SETD5: variants seen among roughly 807,000 people sequenced by gnomAD.
SETD5 encodes SET domain containing 5, also known as histone-lysine N-methyltransferase SETD5.
Under a neutral mutation model 153.3 loss-of-function variants are expected in SETD5, and 44 were observed. That is an observed-to-expected ratio of 0.29 (90% CI 0.23 to 0.37). The LOEUF is 0.37. Ranked by LOEUF, SETD5 falls within the 10% of genes least tolerant of loss-of-function variation. The pLI is 1.00. For missense variants in SETD5, 1,544 were observed against 1,768.0 expected (o/e 0.87, Z 2.27); for synonymous variants, 716 against 645.2 (o/e 1.11, Z -1.66).
At chr3:9,456,290 A>G (rs955492237) in intron 17 of SETD5, among the ~76,000 whole-genome samples, 18 of 152,200 alleles carry the variant, frequency 1.2e-4, no homozygotes, top group African/African-American at 4.3e-4. Flanking sequence ...AGCCTGGCCA[A>G]CATGGTGAAA....
intron 1 of SETD5, among the ~76,000 whole-genome samples, chr3:9,420,762 T>C (rs2038253565): frequency 6.6e-6 from 1 of 152,204 alleles, no homozygotes; most frequent in African/African-American, 2.4e-5. Flanking sequence ...CCAAGTGCTC[T>C]TTTAGAGTTC....
In SETD5 at chr3:9,434,800, T is replaced by A. The variant is rs770510885; in HGVS notation, c.330-24T>A. The A allele has an allele frequency of 5.6e-6, 9 of 1,607,436 alleles. No homozygotes were observed. The highest frequency in any genetic ancestry group is 7.6e-6 in the Non-Finnish European group (9 of 1,177,040). ...TGATGCATGCTGTTGGAAGGACTACTTTAAGTTTATTTTCCCTCTTTAGGG... is the reference window on the plus strand; with the variant it reads ...TGATGCATGCTGTTGGAAGGACTACATTAAGTTTATTTTCCCTCTTTAGGG... On this transcript the variant is annotated intron_variant, in intron 5 of 22. Coordinates refer to ENST00000402198, the MANE Select transcript of SETD5 (RefSeq NM_001080517.3). This position sits in a 1 kb window ranked among gnomAD's most constrained non-coding sequence, Gnocchi z 5.6.
chr3:9,435,835 A>T lies in SETD5; in HGVS notation c.496A>T (p.Arg166Ter). The stretch of plus-strand genomic sequence containing the variant: ...TACAAGCATCACCTTAACTGTTAGA[A>T]GAACCAAACCCAAGAAGCGGAAAAA... Reference protein sequence around the residue: ...TPTSITLTVRRTKPKKRKKSP... With the variant: ...TPTSITLTVR The change falls in exon 7 of 23, where the codon AGA becomes TGA. Residue 166 changes from arginine to a stop codon, truncating the protein, a stop_gained. Coordinates refer to ENST00000402198, the MANE Select transcript of SETD5 (RefSeq NM_001080517.3). LOFTEE classifies it high-confidence loss of function. The T allele has an allele frequency of 6.2e-7, 1 of 1,602,014 alleles. No individual in the cohort carries two copies.
chr3:9,442,093 G>C (rs756141782), intron 9 of SETD5, 35 bp from the exon 10 acceptor site: 17 of 1,436,646 alleles, frequency 1.2e-5, no homozygotes, highest in Non-Finnish European at 1.5e-5. Flanking sequence ...TCTTATTTGT[G>C]TTGAGAATTA....
At chr3:9,450,382 A>T (rs2042477981) in intron 16 of SETD5, among the ~76,000 whole-genome samples, 1 of 152,230 alleles carries the variant, frequency 6.6e-6, no homozygotes, top group Non-Finnish European at 1.5e-5. Flanking sequence ...CAGGATTATC[A>T]TAACAAGACT....
Position 9,477,265 on chromosome 3 carries a change from C to G in SETD5, c.*1174C>G, listed in dbSNP as rs2045902325. 1 of 152,678 alleles carries G rather than the reference C, an allele frequency of 6.5e-6. No homozygotes were observed. Among genetic ancestry groups the G allele is most frequent in the East Asian group, 1.9e-4 (1 of 5,200 alleles). 9.5% of individuals were successfully genotyped at this position (152,678 alleles called of 1,614,324 possible). The stretch of plus-strand genomic sequence containing the variant: ...GGCTTCTCCCCATCAGTGCATTGTG[C>G]CTGTTGTACACCCCTGGAGGAGCCC... On this transcript the variant is annotated 3_prime_UTR_variant, in exon 23 of 23. Coordinates refer to ENST00000402198, the MANE Select transcript of SETD5 (RefSeq NM_001080517.3).
chr3:9,410,834 T>C (rs1428003787), intron 1 of SETD5, among the ~76,000 whole-genome samples: 1 of 152,124 alleles, frequency 6.6e-6, no homozygotes, highest in Non-Finnish European at 1.5e-5. Context: ...CTTGGCTTAA[T>C]ACAAGCAGTT....
At chr3:9,471,195 T>TA (rs2045261973) in intron 19 of SETD5, among the ~76,000 whole-genome samples, 1 of 152,246 alleles carries the variant, frequency 6.6e-6, no homozygotes, top group Non-Finnish European at 1.5e-5. Flanking sequence ...ACCTATTATT[T>TA]AGTGTGTCCC....
At chr3:9,436,706 G>A (rs2040610162) in intron 7 of SETD5, 1 of 643,148 alleles carries the variant, frequency 1.6e-6, no homozygotes, top group Non-Finnish European at 2.7e-6. Flanking sequence ...TAATAGTTTG[G>A]GGAATTCCAT....
intron 1 of SETD5, among the ~76,000 whole-genome samples, chr3:9,423,566 T>G (rs1156897091): frequency 5.3e-5 from 8 of 152,222 alleles, no homozygotes; most frequent in Admixed American, 5.2e-4. Flanking sequence ...TTGATTTACT[T>G]TATTTCTTCC....
intron 3 of SETD5, among the ~76,000 whole-genome samples, chr3:9,432,864 G>C (rs1307834265): frequency 6.6e-6 from 1 of 152,146 alleles, no homozygotes; most frequent in Non-Finnish European, 1.5e-5. Context: ...CACTAAGCCT[G>C]GTTAATAAAG....
chr3:9,417,511 AG>A (rs2037653727), intron 1 of SETD5, among the ~76,000 whole-genome samples: 1 of 147,078 alleles, frequency 6.8e-6, no homozygotes. Flanking sequence ...CCCGAGACGG[AG>A]TCTCGCTCTA....
chr3:9,441,996 G>T, intron 9 of SETD5, 132 bp from the exon 10 acceptor site: 1 of 740,440 alleles, frequency 1.4e-6, no homozygotes. Flanking sequence ...GCAGACAAAC[G>T]TGATGCTTTC....
Position 9,468,702 on chromosome 3 carries a change from A to G in SETD5, c.2725-1757A>G, listed in dbSNP as rs372676994. ...GTGATGGGCTGGAGGGCGGCCACTC[A>G]GTCACAGTAAGTTGAATGAGTCTTC... is the stretch of plus-strand genomic sequence containing the variant. On this transcript the variant is annotated intron_variant, in intron 18 of 22. Transcript: ENST00000402198. The G allele has an allele frequency of 1.5e-3, 1,028 of 669,498 alleles. 19 individuals carry two copies. The East Asian group carries it at 0.022, about 15-fold the overall frequency. 41.5% of individuals were successfully genotyped at this position (669,498 alleles called of 1,614,324 possible).
intron 11 of SETD5, among the ~76,000 whole-genome samples, chr3:9,443,889 C>G (rs1460371207): frequency 6.6e-6 from 1 of 152,162 alleles, no homozygotes; most frequent in Non-Finnish European, 1.5e-5. Flanking sequence ...TGATGAAACC[C>G]TGTCTCTACT....
chr3:9,447,016 A>G (rs373803633), intron 13 of SETD5, 34 bp from the exon 14 acceptor site: 719 of 1,536,142 alleles, frequency 4.7e-4, no homozygotes, highest in Non-Finnish European at 6.0e-4. Context: ...CCTCATTTGA[A>G]GCTTCCTTCT....
chr3:9,472,815 ATC>A (rs2045459321), intron 19 of SETD5, among the ~76,000 whole-genome samples: 4 of 152,040 alleles, frequency 2.6e-5, no homozygotes, highest in Non-Finnish European at 5.9e-5. Flanking sequence ...CAGAACAGCC[ATC>A]AGTCACCTGG....
At chr3:9,437,836 C>G (rs909163582) in intron 7 of SETD5, among the ~76,000 whole-genome samples, 2 of 151,944 alleles carry the variant, frequency 1.3e-5, no homozygotes, top group African/African-American at 2.4e-5. Flanking sequence ...AACCCCATCT[C>G]TACTAAAAAT....
intron 18 of SETD5, 68 bp downstream of exon 18, chr3:9,464,740 TATA>T (rs1553635790): frequency 1.2e-6 from 2 of 1,604,730 alleles, no homozygotes; most frequent in Non-Finnish European, 1.7e-6. Context: ...TCATTTCAAA[TATA>T]ATACCATTCC....
Sources: gnomAD v4.1 joint callset for allele counts (sites outside exome capture counted in the v4.1 genomes callset) on GRCh38, gnomAD v4.1.1 for gene constraint, Gnocchi (gnomAD v3.1) non-coding constraint, MANE v1.5 for transcripts, NCBI Gene and HGNC (gene_info 2026-07-23, HGNC 2026-07-21) for gene names.